The following UMAD1 variants were observed in gnomAD, a reference collection of about 807,000 sequenced individuals.
UMAD1 encodes UBAP1-MVB12-associated (UMA) domain containing 1.
UMAD1 carries 8 observed loss-of-function variants against 6.1 expected under a neutral mutation model. That is an observed-to-expected ratio of 1.30 (90% confidence interval 0.76 to 2.35). The LOEUF is 2.35. UMAD1 is among the 30% of genes most tolerant of loss of function. The pLI, the probability that UMAD1 is intolerant of heterozygous loss-of-function variation, is 0.00. For missense variants in UMAD1, 130 were observed against 78.4 expected, an observed-to-expected ratio of 1.66 and a Z score of -2.49; for synonymous variants, 56 against 31.4, an observed-to-expected ratio of 1.78 and a Z score of -2.61.
chr7:7,716,954 A>G (rs1780924931), intron 2 of UMAD1, among the ~76,000 whole-genome samples: 2 of 152,124 alleles, frequency 1.3e-5, no homozygotes, highest in African/African-American at 4.8e-5. Context: ...CGCCTCCTAT[A>G]AAACCAACCT....
intron 2 of UMAD1, 36 bp downstream of exon 2, chr7:7,673,489 T>A (rs1423279145): frequency 8.6e-6 from 6 of 698,556 alleles, no homozygotes; most frequent in Non-Finnish European, 1.5e-5. Flanking sequence ...ATTAGATGAA[T>A]TATGTTCTCT....
chr7:7,670,980 T>C (rs1779591223), intron 1 of UMAD1, among the ~76,000 whole-genome samples: 1 of 152,168 alleles, frequency 6.6e-6, no homozygotes, highest in Admixed American at 6.5e-5. Context: ...TGTTGGAATT[T>C]TTTCCTTTTC....
intron 1 of UMAD1, among the ~76,000 whole-genome samples, chr7:7,651,688 G>T (rs1332421728): frequency 6.6e-6 from 1 of 152,160 alleles, no homozygotes; most frequent in African/African-American, 2.4e-5. Context: ...AAGTCAGAGG[G>T]ATGTACACAT....
At chr7:7,731,203 T>C (rs1781244392) in intron 2 of UMAD1, among the ~76,000 whole-genome samples, 1 of 152,082 alleles carries the variant, frequency 6.6e-6, no homozygotes, top group South Asian at 2.1e-4. Flanking sequence ...GGTTCCACCA[T>C]GTTGGCCAGG....
chr7:7,844,140 C>T (rs1783738919), intron 3 of UMAD1, among the ~76,000 whole-genome samples: 1 of 152,172 alleles, frequency 6.6e-6, no homozygotes, highest in African/African-American at 2.4e-5. Context: ...CCACTCTGGT[C>T]GCCTCTTCTT....
chr7:7,856,749 C>G (rs1278749575), intron 3 of UMAD1, among the ~76,000 whole-genome samples: 1 of 152,072 alleles, frequency 6.6e-6, no homozygotes, highest in Non-Finnish European at 1.5e-5. Flanking sequence ...CTCAAGTAAG[C>G]CATACTAGGG....
chr7:7,836,800 G>A (rs1195934683), intron 3 of UMAD1, among the ~76,000 whole-genome samples: 1 of 151,870 alleles, frequency 6.6e-6, no homozygotes, highest in East Asian at 1.9e-4. Flanking sequence ...GGATTACTCA[G>A]AATGTAACAC....
chr7:7,720,344 G>A (rs1472948842), intron 2 of UMAD1, among the ~76,000 whole-genome samples: 1 of 152,136 alleles, frequency 6.6e-6, no homozygotes, highest in Non-Finnish European at 1.5e-5. Context: ...TTGGCTGCTT[G>A]TCAGAAGCGA....
At chr7:7,677,809 G>C (rs1359076945) in intron 2 of UMAD1, among the ~76,000 whole-genome samples, 2 of 149,582 alleles carry the variant, frequency 1.3e-5, no homozygotes, top group East Asian at 3.9e-4. Context: ...AAGTAGCTGG[G>C]ACTACAGGCG....
intron 2 of UMAD1, among the ~76,000 whole-genome samples, chr7:7,716,277 C>T (rs1780900599): frequency 6.6e-6 from 1 of 152,122 alleles, no homozygotes; most frequent in Non-Finnish European, 1.5e-5. Context: ...TGGGAAGGAA[C>T]AATGCCAAGA....
chr7:7,851,678 A>G (rs1783920807), intron 3 of UMAD1, among the ~76,000 whole-genome samples: 1 of 152,082 alleles, frequency 6.6e-6, no homozygotes, highest in Admixed American at 6.5e-5. Context: ...GGGCTTTTGT[A>G]TATCTGCTTT....
In UMAD1 at chr7:7,781,152, T is replaced by G. The variant is rs150762896; in HGVS notation, c.83-20518T>G. Among the ~76,000 whole-genome samples the G allele has an allele frequency of 1.2e-4, 18 of 152,292 alleles. No individual in the cohort carries two copies. In the East Asian group the frequency reaches 3.5e-3, roughly 29 times the overall value. On this transcript the variant is annotated intron_variant, in intron 2 of 3. Transcript: ENST00000682710. ...TGGCACAGTACCTGACACATAAACATTCAATAACATTTTGTTTACATGAAC... is the reference window on the plus strand; with the variant it reads ...TGGCACAGTACCTGACACATAAACAGTCAATAACATTTTGTTTACATGAAC...
intron 2 of UMAD1, among the ~76,000 whole-genome samples, chr7:7,708,281 C>A (rs1195168649): frequency 6.6e-6 from 1 of 152,094 alleles, no homozygotes; most frequent in Non-Finnish European, 1.5e-5. Flanking sequence ...GATTTACAAC[C>A]CTCCCTTTCA....
chr7:7,641,675 G>C (rs1253434711), intron 1 of UMAD1: 2 of 152,170 alleles, frequency 1.3e-5, no homozygotes, highest in Non-Finnish European at 2.9e-5. Context: ...GAGTATTCTA[G>C]AATGAGTGCA....
At chr7:7,690,958 T>C (rs1223070663) in intron 2 of UMAD1, among the ~76,000 whole-genome samples, 1 of 152,214 alleles carries the variant, frequency 6.6e-6, no homozygotes, top group East Asian at 1.9e-4. Context: ...TTTTATCCCC[T>C]AAAGGAGTGC....
At chr7:7,661,844 G>A (rs1377328308) in intron 1 of UMAD1, among the ~76,000 whole-genome samples, 1 of 152,214 alleles carries the variant, frequency 6.6e-6, no homozygotes, top group Non-Finnish European at 1.5e-5. Context: ...TGTGCTGGGA[G>A]ATGTACTGCT....
intron 2 of UMAD1, among the ~76,000 whole-genome samples, chr7:7,758,993 C>T (rs904778659): frequency 1.3e-5 from 2 of 152,036 alleles, no homozygotes; most frequent in African/African-American, 2.4e-5. Flanking sequence ...ATTCTGTGGG[C>T]CTCAGATTTT....
intron 1 of UMAD1, among the ~76,000 whole-genome samples, chr7:7,643,539 T>A (rs181108076): frequency 1.3e-5 from 2 of 152,248 alleles, no homozygotes; most frequent in Non-Finnish European, 2.9e-5. Context: ...GGTGAAACCC[T>A]GTCTCTACTA....
chr7:7,846,699 C>T (rs981587067), intron 3 of UMAD1, among the ~76,000 whole-genome samples: 5 of 151,702 alleles, frequency 3.3e-5, no homozygotes, highest in African/African-American at 4.8e-5. Flanking sequence ...TTGTCGAAAC[C>T]AATACTTTTC....
Sources: gnomAD v4.1 joint callset for allele counts (sites outside exome capture counted in the v4.1 genomes callset) on GRCh38, gnomAD v4.1.1 for gene constraint, MANE v1.5 for transcripts, NCBI Gene and HGNC (gene_info 2026-07-23, HGNC 2026-07-21) for gene names.